Variants in GABRG3 observed in about 807,000 individuals in gnomAD.
The protein encoded by GABRG3 is gamma-aminobutyric acid type A receptor subunit gamma3.
Under a neutral mutation model 48.8 loss-of-function variants are expected in GABRG3, and 25 were observed. The observed-to-expected ratio is 0.51, with a 90% CI of 0.37 to 0.72. The LOEUF is 0.72. Ranked by LOEUF, GABRG3 falls within the 30% of genes least tolerant of loss-of-function variation. The pLI is 0.00. For synonymous variants in GABRG3, 227 were observed against 217.6 expected (o/e 1.04, Z -0.38); for missense variants, 394 against 577.9 (o/e 0.68, Z 3.26).
chr15:27,320,996 G>A (rs576574999), intron 3 of GABRG3, among the ~76,000 whole-genome samples: 1 of 152,140 alleles, frequency 6.6e-6, no homozygotes. Flanking sequence ...TGCTTCCCCG[G>A]GCCTGTCACT....
chr15:27,455,378 A>T (rs55680645), intron 5 of GABRG3, among the ~76,000 whole-genome samples: 3 of 146,344 alleles, frequency 2.0e-5, no homozygotes, highest in East Asian at 2.0e-4. Context: ...TGGTTCGTGT[A>T]TGGGGTGTAT....
chr15:26,983,568 T>C (rs1647024445), intron 2 of GABRG3, among the ~76,000 whole-genome samples: 1 of 152,160 alleles, frequency 6.6e-6, no homozygotes, highest in Non-Finnish European at 1.5e-5. Flanking sequence ...GCCCAGGAGT[T>C]TGAGACCAGT....
chr15:27,083,548 G>A (rs558096457), intron 3 of GABRG3, among the ~76,000 whole-genome samples: 9 of 152,020 alleles, frequency 5.9e-5, no homozygotes, highest in African/African-American at 1.2e-4. Flanking sequence ...GGATGGTCTC[G>A]ATCTCCTGAC....
At chr15:27,308,611 A>C (rs574055791) in intron 3 of GABRG3, among the ~76,000 whole-genome samples, 2 of 120,494 alleles carry the variant, frequency 1.7e-5, no homozygotes, top group Non-Finnish European at 4.0e-5. Context: ...TAATGTAAAC[A>C]TACGCTTATA....
At chr15:27,091,453 C>T (rs1897183799) in intron 3 of GABRG3, among the ~76,000 whole-genome samples, 1 of 152,110 alleles carries the variant, frequency 6.6e-6, no homozygotes, top group Admixed American at 6.5e-5. Context: ...TGTGATGTCT[C>T]TTCCTGGCTT....
chr15:27,387,836 A>G (rs1226865212), intron 5 of GABRG3, among the ~76,000 whole-genome samples: 11 of 81,914 alleles, frequency 1.3e-4, no homozygotes, highest in Non-Finnish European at 1.7e-4. Flanking sequence ...AGAGAGGGAG[A>G]GAGGAAGGGG....
chr15:27,318,697 C>A (rs1893316459), intron 3 of GABRG3, among the ~76,000 whole-genome samples: 1 of 152,166 alleles, frequency 6.6e-6, no homozygotes, highest in African/African-American at 2.4e-5. Flanking sequence ...GTCCCCTTCA[C>A]ACTGTTTCTA....
intron 7 of GABRG3, among the ~76,000 whole-genome samples, chr15:27,523,399 T>G (rs1194805208): frequency 6.6e-6 from 1 of 151,766 alleles, no homozygotes; most frequent in Non-Finnish European, 1.5e-5. Context: ...TATATTAATA[T>G]TTTTGTTCTA....
intron 5 of GABRG3, among the ~76,000 whole-genome samples, chr15:27,354,961 T>C (rs1242068166): frequency 2.6e-5 from 4 of 152,202 alleles, no homozygotes; most frequent in Non-Finnish European, 5.9e-5. Context: ...CTGTGTGATA[T>C]GTGCTTTCTG....
intron 3 of GABRG3, among the ~76,000 whole-genome samples, chr15:27,091,584 C>G (rs1246420514): frequency 6.6e-6 from 1 of 152,192 alleles, no homozygotes; most frequent in African/African-American, 2.4e-5. Context: ...GAAAAGCTAT[C>G]TGATCGTGGG....
At chr15:27,227,709 T>C (rs1305129225) in intron 3 of GABRG3, among the ~76,000 whole-genome samples, 2 of 151,624 alleles carry the variant, frequency 1.3e-5, no homozygotes, top group East Asian at 3.9e-4. Context: ...AAAACAACCA[T>C]GGCAATTTTT....
intron 3 of GABRG3, among the ~76,000 whole-genome samples, chr15:27,222,705 T>C (rs1889490681): frequency 8.0e-6 from 1 of 125,500 alleles, no homozygotes; most frequent in Non-Finnish European, 1.5e-5. Flanking sequence ...AGTGGATTCT[T>C]ACATTAATTA....
chr15:27,344,893 C>A (rs916712222), intron 5 of GABRG3, among the ~76,000 whole-genome samples: 2 of 152,034 alleles, frequency 1.3e-5, no homozygotes, highest in Non-Finnish European at 2.9e-5. Context: ...GGTACATGCA[C>A]GATGAGGATT....
chr15:27,036,244 G>A (rs750461387), intron 3 of GABRG3, among the ~76,000 whole-genome samples: 4 of 152,266 alleles, frequency 2.6e-5, no homozygotes, highest in African/African-American at 7.2e-5. Context: ...AATTTGGGCC[G>A]GGCAGGAGAG....
intron 5 of GABRG3, among the ~76,000 whole-genome samples, chr15:27,385,459 C>T (rs187188195): frequency 2.0e-5 from 3 of 151,742 alleles, no homozygotes; most frequent in African/African-American, 7.3e-5. Context: ...AACATATTTT[C>T]TCTCCTTCGC....
At chr15:27,183,376 G>T (rs1452786183) in intron 3 of GABRG3, among the ~76,000 whole-genome samples, 2 of 152,178 alleles carry the variant, frequency 1.3e-5, no homozygotes, top group African/African-American at 4.8e-5. Flanking sequence ...GAAAAGGGAG[G>T]GAAGGAGTGA....
At chr15:27,358,458 CG>C (rs1344599355) in intron 5 of GABRG3, among the ~76,000 whole-genome samples, 3 of 151,858 alleles carry the variant, frequency 2.0e-5, no homozygotes, top group Non-Finnish European at 4.4e-5. Flanking sequence ...TGAGTCAAGA[CG>C]GGGAGGGAAG....
At chr15:27,003,475 C>T (rs922103239) in intron 2 of GABRG3, among the ~76,000 whole-genome samples, 1 of 151,790 alleles carries the variant, frequency 6.6e-6, no homozygotes, top group African/African-American at 2.4e-5. Flanking sequence ...ACATCTTGCA[C>T]CGCCCTTAAT....
In GABRG3 at chr15:27,067,335, CTT is replaced by C. The variant is rs369161758; in HGVS notation, c.270+40516_270+40517del. Among the ~76,000 whole-genome samples the C allele has an allele frequency of 3.8e-3, 581 of 152,314 alleles. 3 individuals carry two copies. Among genetic ancestry groups the C allele is most frequent in the African/African-American group, 0.013 (550 of 41,568 alleles). On this transcript the variant is annotated intron_variant, in intron 3 of 9. Transcript: ENST00000615808. ...GGGGCAGGGCTAGGTGTTACATGGA[CTT>C]TGCCTCACTCCCCATCCACCCGCAC...
Sources: gnomAD v4.1 joint callset for allele counts (sites outside exome capture counted in the v4.1 genomes callset) on GRCh38, gnomAD v4.1.1 for gene constraint, MANE v1.5 for transcripts, NCBI Gene and HGNC (gene_info 2026-07-23, HGNC 2026-07-21) for gene names.